Variants in SPACA9 observed in about 807,000 individuals in gnomAD.
SPACA9 encodes sperm acrosome-associated protein 9.
In SPACA9, 14 loss-of-function variants were observed where a neutral mutation model predicts 12.5. The observed-to-expected ratio is 1.12, with a 90% CI of 0.74 to 1.75. The LOEUF is 1.75. Among genes scored for constraint, SPACA9 ranks in the 40% most tolerant of loss-of-function variants. The probability of loss-of-function intolerance (pLI) is 0.00; values close to 1 mark genes in which losing one functional copy is unlikely to be tolerated. For missense variants in SPACA9, 292 were observed against 291.9 expected (o/e 1.00, Z 0.00); for synonymous variants, 111 against 114.1 (o/e 0.97, Z 0.17).
downstream of SPACA9, chr9:132,890,106 T>C: frequency 1.0e-6 from 1 of 986,580 alleles, no homozygotes; most frequent in Non-Finnish European, 1.4e-6. Flanking sequence ...CAAAGGACAC[T>C]GGGCAGTAAG....
In SPACA9 at chr9:132,888,784, T is replaced by G; in HGVS notation, c.*173T>G. ...CTTCTTGCTTTAACTTCTTTTTTTTTTGAGACGGAGTCTCGCTCTGTCGCC... is the reference window on the plus strand; with the variant it reads ...CTTCTTGCTTTAACTTCTTTTTTTTGTGAGACGGAGTCTCGCTCTGTCGCC... On this transcript the variant is annotated 3_prime_UTR_variant, in exon 4 of 4. Coordinates refer to ENST00000356311, the MANE Select transcript of SPACA9 (RefSeq NM_001316897.2). This position sits in a 1 kb window ranked among gnomAD's most constrained non-coding sequence, Gnocchi z 5.0. 1 of 1,392,808 alleles carries G rather than the reference T, an allele frequency of 7.2e-7. No individual in the cohort carries two copies. The highest frequency in any genetic ancestry group is 9.3e-7 in the Non-Finnish European group (1 of 1,075,592). The allele number at this position is 1,392,808 out of a possible 1,614,324, so 86.3% of individuals were successfully genotyped here.
Position 132,889,937 on chromosome 9 carries a change from G to A in SPACA9, c.*1326G>A, listed in dbSNP as rs201306027. 3.4e-6 allele frequency: 5 copies of A among 1,485,276 alleles called. No individual in the cohort carries two copies. In the African/African-American group the frequency reaches 4.3e-5, roughly 13 times the overall value. The allele number at this position is 1,485,276 out of a possible 1,614,324, so 92.0% of individuals were successfully genotyped here. A position where few individuals can be genotyped will look rare whatever the true frequency, so the allele number is the denominator to read the frequency against. On this transcript the variant is annotated 3_prime_UTR_variant, in exon 4 of 4. Coordinates refer to ENST00000356311, the MANE Select transcript of SPACA9 (RefSeq NM_001316897.2). ...AGCTTGCCCAAAGTAATGTCTGACT[G>A]TTGGTTTTTCCCTTCACAGGGGACG...
At position 132,887,679 on chromosome 9, in the gene SPACA9, C is replaced by CT. The variant is rs1844608621; in HGVS notation, c.347+108_347+109insT. 1.0e-5 allele frequency: 9 copies of CT among 889,946 alleles called. No individual in the cohort carries two copies. The highest frequency in any genetic ancestry group is 1.7e-5 in the African/African-American group (1 of 59,950). The allele number at this position is 889,946 out of a possible 1,614,324, so 55.1% of individuals were successfully genotyped here. On this transcript the variant is annotated intron_variant, in intron 3 of 3. Transcript: ENST00000356311. This position sits in a 1 kb window ranked among gnomAD's most constrained non-coding sequence, Gnocchi z 5.4. The stretch of plus-strand genomic sequence containing the variant: ...TCATGGTGCTCCTATTAGACCACCC[C>CT]GGGCAGGAAATCCCAGTCTCCACTC...
intron 1 of SPACA9, among the ~76,000 whole-genome samples, chr9:132,881,764 C>T (rs530385896): frequency 1.5e-4 from 23 of 151,754 alleles, no homozygotes; most frequent in African/African-American, 4.6e-4. Flanking sequence ...TGGGTTCAAG[C>T]GATCCTCCTG....
intron 2 of SPACA9, among the ~76,000 whole-genome samples, chr9:132,886,608 C>G (rs79778363): frequency 6.6e-6 from 1 of 152,110 alleles, no homozygotes; most frequent in African/African-American, 2.4e-5. Flanking sequence ...GTGCCCTGGG[C>G]GGGTTATTTC....
rs944417884 is a variant in SPACA9, at chr9:132,884,238, C to T, written c.144+147C>T. On this transcript the variant is annotated intron_variant, in intron 2 of 3. Coordinates refer to ENST00000356311, the MANE Select transcript of SPACA9 (RefSeq NM_001316897.2). ...CAGAACCTAAATGATGTAATGAGTC[C>T]TTCATTCGTTTCTCTACCAAATATG... 3 of 750,494 alleles carry T rather than the reference C, an allele frequency of 4.0e-6. No individual in the cohort carries two copies. The African/African-American group carries it at 5.3e-5, about 13-fold the overall frequency. The allele number at this position is 750,494 out of a possible 1,614,324, so 46.5% of individuals were successfully genotyped here. A position where few individuals can be genotyped will look rare whatever the true frequency, so the allele number is the denominator to read the frequency against.
chr9:132,886,880 C>T (rs1353442959), intron 2 of SPACA9, among the ~76,000 whole-genome samples: 3 of 152,014 alleles, frequency 2.0e-5, no homozygotes, highest in Non-Finnish European at 2.9e-5. Context: ...GGCATGATCT[C>T]GGCTCACTGC....
intron 1 of SPACA9, among the ~76,000 whole-genome samples, chr9:132,881,786 C>T (rs1292790831): frequency 6.6e-6 from 1 of 151,920 alleles, no homozygotes; most frequent in African/African-American, 2.4e-5. Context: ...CTCAGCCTCC[C>T]AAAGTGCTGG....
chr9:132,888,215 A>T lies in SPACA9; in HGVS notation c.348-75A>T. On this transcript the variant is annotated intron_variant, in intron 3 of 3. Transcript: ENST00000356311. This position sits in a 1 kb window ranked among gnomAD's most constrained non-coding sequence, Gnocchi z 5.0. ...TCCCCAGGTGACTCTGCTGTGCCTG[A>T]GGTGTGGCAGCTGCTTGCCACGGCA... 6.5e-7 allele frequency: 1 copy of T among 1,545,722 alleles called. No individual in the cohort carries two copies. Among genetic ancestry groups the T allele is most frequent in the South Asian group, 1.2e-5 (1 of 80,624 alleles).
At chr9:132,885,994 T>C (rs1166025589) in intron 2 of SPACA9, among the ~76,000 whole-genome samples, 1 of 151,846 alleles carries the variant, frequency 6.6e-6, no homozygotes, top group East Asian at 1.9e-4. Flanking sequence ...CCTTTGTGGG[T>C]ATGAGTGTGA....
upstream of SPACA9, chr9:132,878,517 G>A (rs1564454350): frequency 2.5e-6 from 3 of 1,191,938 alleles, no homozygotes; most frequent in Non-Finnish European, 3.1e-6. The surrounding 1 kb of genome is among the most constrained non-coding windows in gnomAD (Gnocchi z 4.7). Flanking sequence ...GCTTCCAGCT[G>A]GGCCTCCTCG....
Position 132,887,031 on chromosome 9 carries a change from C to T in SPACA9, c.145-338C>T, listed in dbSNP as rs1006438575. On this transcript the variant is annotated intron_variant, in intron 2 of 3. Coordinates refer to ENST00000356311, the MANE Select transcript of SPACA9 (RefSeq NM_001316897.2). This position sits in a 1 kb window ranked among gnomAD's most constrained non-coding sequence, Gnocchi z 5.4. ...TTCACCATGTTGACCAGGCTGGTCT[C>T]GAACTCCTGACCTCAAGTGATCCCC... 4.6e-5 allele frequency among the ~76,000 whole-genome samples: 7 copies of T among 151,860 alleles called. No individual in the cohort carries two copies. Among genetic ancestry groups the T allele is most frequent in the South Asian group, 2.1e-4 (1 of 4,804 alleles).
rs771242542 is a variant in SPACA9 at position 132,888,568 on chromosome 9, G to T, written c.626G>T (p.Gly209Val). ...ACAAAAGCCAGCCTCAAACCCAGGGGATGTTCAAAACCACCCTGGAGGCCT... is the reference window on the plus strand; with the variant it reads ...ACAAAAGCCAGCCTCAAACCCAGGGTATGTTCAAAACCACCCTGGAGGCCT... ...QLTKASLKPR[G>V]CSKPPWRPPG... Residue 209 changes from glycine (G) to valine (V), a missense_variant, in exon 4 of 4, where the codon GGA (glycine) becomes GTA (valine). By Grantham distance (109) the Gly-to-Val change is moderately radical. Coordinates refer to ENST00000356311, the MANE Select transcript of SPACA9 (RefSeq NM_001316897.2). The surrounding 1 kb of genome is among the most constrained non-coding windows in gnomAD (Gnocchi z 5.0). The T allele has an allele frequency of 2.6e-6, 4 of 1,550,378 alleles. No individual in the cohort carries two copies. In the South Asian group the frequency reaches 3.6e-5, roughly 14 times the overall value.
upstream of SPACA9, chr9:132,878,431 G>C (rs1844260012): frequency 8.1e-7 from 1 of 1,231,754 alleles, no homozygotes; most frequent in Admixed American, 4.3e-5. The surrounding 1 kb of genome is among the most constrained non-coding windows in gnomAD (Gnocchi z 4.7). Flanking sequence ...GCGCTCTGCG[G>C]CTCGGGCAAG....
In SPACA9 at chr9:132,879,353, T is replaced by C. The variant is rs184353471; in HGVS notation, c.-38+339T>C. Among the ~76,000 whole-genome samples, 76 of 152,322 alleles carry C rather than the reference T, an allele frequency of 5.0e-4. 1 individual carries two copies. Among genetic ancestry groups the C allele is most frequent in the Middle Eastern group, 6.8e-3 (2 of 294 alleles). ...AAAATTCTGTTGTCTCTGTACCTTA[T>C]GGAGAGGGAAAATGGCACAGTCAAT... On this transcript the variant is annotated intron_variant, in intron 1 of 3. Transcript: ENST00000356311.
chr9:132,879,840 A>T (rs1222902104), intron 1 of SPACA9, among the ~76,000 whole-genome samples: 2 of 152,242 alleles, frequency 1.3e-5, no homozygotes, highest in Non-Finnish European at 2.9e-5. Flanking sequence ...GGCTAGGGCC[A>T]CTGGTTAGAT....
rs1195591504 is a variant in SPACA9, at chr9:132,881,718, G to A, written c.-37-2193G>A. ...ACTGTGTCACCCAGGTTGGAGTGCAGTACTGCGATCATGGCTCACTGCAGC... is the reference window on the plus strand; with the variant it reads ...ACTGTGTCACCCAGGTTGGAGTGCAATACTGCGATCATGGCTCACTGCAGC... On this transcript the variant is annotated intron_variant, in intron 1 of 3. Transcript: ENST00000356311. Among the ~76,000 whole-genome samples, 5 of 151,182 alleles carry A rather than the reference G, an allele frequency of 3.3e-5. No homozygotes were observed. In the South Asian group the frequency reaches 1.1e-3, roughly 32 times the overall value.
At chr9:132,878,535 GACCC>G, upstream of SPACA9, 1 of 1,175,136 alleles carries the variant, frequency 8.5e-7, no homozygotes, top group Non-Finnish European at 1.1e-6. The surrounding 1 kb of genome is among the most constrained non-coding windows in gnomAD (Gnocchi z 4.7). Flanking sequence ...TCGTATCTGA[GACCC>G]CCGACGAAAC....
At chr9:132,884,143 C>T (rs1487459044) in intron 2 of SPACA9, 52 bp downstream of exon 2, 12 of 1,587,356 alleles carry the variant, frequency 7.6e-6, no homozygotes, top group African/African-American at 1.3e-5. Context: ...CCAGTCCCCT[C>T]TCACAAAAGA....
Sources: allele counts gnomAD v4.1 joint callset (sites outside exome capture counted in the v4.1 genomes callset), GRCh38; gene constraint gnomAD v4.1.1; non-coding constraint Gnocchi (gnomAD v3.1); transcripts MANE v1.5; gene names NCBI Gene and HGNC (gene_info 2026-07-23, HGNC 2026-07-21).